CCDC91: variants seen among roughly 807,000 people sequenced by gnomAD.
CCDC91 encodes coiled-coil domain containing 91.
In CCDC91, 48 loss-of-function variants were observed where a neutral mutation model predicts 63.2. The ratio of observed to expected loss-of-function variants is 0.76; its 90% CI spans 0.60 to 0.97. CCDC91 has a LOEUF of 0.97. Among genes scored for constraint, CCDC91 ranks in the 50% least tolerant of loss-of-function variants. The pLI is 0.00. For missense variants in CCDC91, 500 were observed against 494.6 expected, an observed-to-expected ratio of 1.01 and a Z score of -0.10; for synonymous variants, 167 against 165.8, an observed-to-expected ratio of 1.01 and a Z score of -0.06.
intron 8 of CCDC91, among the ~76,000 whole-genome samples, chr12:28,393,881 A>G (rs1946105580): frequency 6.6e-6 from 1 of 152,218 alleles, no homozygotes; most frequent in African/African-American, 2.4e-5. Flanking sequence ...CAGCCAAGTT[A>G]CAGATTAAAA....
chr12:28,290,837 A>T (rs1335605421), intron 3 of CCDC91, among the ~76,000 whole-genome samples: 1 of 152,154 alleles, frequency 6.6e-6, no homozygotes. Flanking sequence ...TTTTAAAAGT[A>T]TGCTATATTT....
At chr12:28,264,108 T>C (rs977104049) in intron 3 of CCDC91, among the ~76,000 whole-genome samples, 1 of 151,920 alleles carries the variant, frequency 6.6e-6, no homozygotes, top group Non-Finnish European at 1.5e-5. Context: ...ACAGCTATTT[T>C]GGTGACCTTT....
chr12:28,363,876 GA>G (rs34997286), intron 7 of CCDC91, among the ~76,000 whole-genome samples: 1,082 of 52,580 alleles, frequency 0.021, 1 homozygote, highest in South Asian at 0.028. Flanking sequence ...GGCTCCATCT[GA>G]AAAAAAAAAA....
intron 12 of CCDC91, among the ~76,000 whole-genome samples, chr12:28,521,131 C>G (rs552541403): frequency 5.4e-4 from 82 of 151,960 alleles, no homozygotes; most frequent in African/African-American, 1.3e-3. Flanking sequence ...AGCTTGATCG[C>G]GATGGCATTG....
At chr12:28,407,034 C>T (rs1946997208) in intron 8 of CCDC91, among the ~76,000 whole-genome samples, 1 of 152,096 alleles carries the variant, frequency 6.6e-6, no homozygotes, top group African/African-American at 2.4e-5. Flanking sequence ...CCCCTTGGTT[C>T]TATCCTCATG....
At chr12:28,234,008 A>G (rs1297123698) in intron 1 of CCDC91, among the ~76,000 whole-genome samples, 19 of 152,176 alleles carry the variant, frequency 1.2e-4, no homozygotes, top group Admixed American at 1.2e-3. Context: ...TGCTGCCATC[A>G]CTATCATGCA....
intron 6 of CCDC91, among the ~76,000 whole-genome samples, chr12:28,361,481 T>C (rs1274774029): frequency 6.6e-6 from 1 of 152,136 alleles, no homozygotes; most frequent in African/African-American, 2.4e-5. Context: ...TTTTTCTCTT[T>C]TTGCTTTCTT....
chr12:28,306,108 A>G lies in CCDC91; in HGVS notation c.267+302A>G, dbSNP rs559595053. Among the ~76,000 whole-genome samples, 4 of 152,224 alleles carry G rather than the reference A, an allele frequency of 2.6e-5. No individual in the cohort carries two copies. The South Asian group carries it at 6.2e-4, about 24-fold the overall frequency. ...CTTGAACTTGAAAAGGGAAAATAATACAAAGAAGAATAAGTATTTCTCTTT... is the reference window on the plus strand; with the variant it reads ...CTTGAACTTGAAAAGGGAAAATAATGCAAAGAAGAATAAGTATTTCTCTTT... On this transcript the variant is annotated intron_variant, in intron 4 of 12. Transcript: ENST00000536442.
chr12:28,369,977 T>C (rs1159902504), intron 7 of CCDC91, among the ~76,000 whole-genome samples: 1 of 152,188 alleles, frequency 6.6e-6, no homozygotes, highest in Non-Finnish European at 1.5e-5. Context: ...CTCCTAGGCC[T>C]CTACGGGCTA....
At chr12:28,246,250 G>A (rs12816280) in intron 1 of CCDC91, among the ~76,000 whole-genome samples, 1 of 152,052 alleles carries the variant, frequency 6.6e-6, no homozygotes, top group Non-Finnish European at 1.5e-5. Flanking sequence ...AGGGAATGAT[G>A]AAAAAATAAA....
chr12:28,203,167 G>C (rs1044351007), intron 1 of CCDC91, among the ~76,000 whole-genome samples: 25 of 152,220 alleles, frequency 1.6e-4, no homozygotes, highest in South Asian at 6.2e-4. Context: ...GGGATAGAGG[G>C]ATGAGATTAA....
At chr12:28,307,160 T>C (rs939854097) in intron 5 of CCDC91, among the ~76,000 whole-genome samples, 1 of 151,902 alleles carries the variant, frequency 6.6e-6, no homozygotes, top group African/African-American at 2.4e-5. Context: ...GTTTACTAGG[T>C]TTTTTCTAAC....
chr12:28,361,106 C>T (rs1431307404), intron 6 of CCDC91, among the ~76,000 whole-genome samples: 6 of 151,378 alleles, frequency 4.0e-5, no homozygotes, highest in East Asian at 1.9e-4. Flanking sequence ...GTCCCACATT[C>T]GTGCCTGATG....
intron 3 of CCDC91, among the ~76,000 whole-genome samples, chr12:28,267,824 T>TAATATATAATTATATATAATTATATAG (rs1565699921): frequency 3.2e-5 from 1 of 30,820 alleles, no homozygotes; most frequent in East Asian, 1.0e-3. Flanking sequence ...AATTATATTA[T>TAATATATAATTATATATAATTATATAG]TAATATATAA....
chr12:28,235,067 C>T (rs1255391032), intron 1 of CCDC91, among the ~76,000 whole-genome samples: 2 of 152,116 alleles, frequency 1.3e-5, no homozygotes, highest in African/African-American at 4.8e-5. Flanking sequence ...GGCTTCTTTA[C>T]AGCATGGTAG....
intron 1 of CCDC91, among the ~76,000 whole-genome samples, chr12:28,196,827 AT>A (rs1367784462): frequency 6.6e-6 from 1 of 152,148 alleles, no homozygotes; most frequent in Non-Finnish European, 1.5e-5. Flanking sequence ...TTGCAAATAT[AT>A]TTTAAAAACA....
intron 8 of CCDC91, among the ~76,000 whole-genome samples, chr12:28,431,318 G>A (rs1354933514): frequency 6.6e-6 from 1 of 152,034 alleles, no homozygotes; most frequent in Non-Finnish European, 1.5e-5. Flanking sequence ...ATTGAGAGAA[G>A]CATGTTAAAA....
chr12:28,364,561 C>T (rs1446831307), intron 7 of CCDC91, among the ~76,000 whole-genome samples: 1 of 152,058 alleles, frequency 6.6e-6, no homozygotes, highest in African/African-American at 2.4e-5. Flanking sequence ...TTATCCCTAA[C>T]GCTGAGGGTG....
chr12:28,326,257 A>G (rs1940984111), intron 6 of CCDC91, among the ~76,000 whole-genome samples: 1 of 152,158 alleles, frequency 6.6e-6, no homozygotes, highest in East Asian at 1.9e-4. Flanking sequence ...GGCTCAAACT[A>G]CGGTTCGTTT....
Sources: allele counts gnomAD v4.1 joint callset (sites outside exome capture counted in the v4.1 genomes callset), GRCh38; gene constraint gnomAD v4.1.1; transcripts MANE v1.5; gene names NCBI Gene and HGNC (gene_info 2026-07-23, HGNC 2026-07-21).